Variants in STIM2 observed in about 807,000 individuals in gnomAD.
The protein encoded by STIM2 is stromal interaction molecule 2.
In STIM2, 31 loss-of-function variants were observed where a neutral mutation model predicts 85.8. The ratio of observed to expected loss-of-function variants is 0.36; its 90% CI spans 0.27 to 0.49. The LOEUF is 0.49. Ranked by LOEUF, STIM2 falls within the 20% of genes least tolerant of loss-of-function variation. STIM2 has a pLI of 0.98. For synonymous variants in STIM2, 356 were observed against 331.1 expected (o/e 1.08, Z -0.82); for missense variants, 841 against 927.6 (o/e 0.91, Z 1.21).
intron 1 of STIM2, among the ~76,000 whole-genome samples, chr4:26,903,197 AC>A (rs1272800070): frequency 6.6e-6 from 1 of 152,136 alleles, no homozygotes; most frequent in East Asian, 1.9e-4. Context: ...TAATAAAATA[AC>A]TTGGCCCCCT....
intron 1 of STIM2, among the ~76,000 whole-genome samples, chr4:26,906,253 C>T (rs947117267): frequency 6.6e-6 from 1 of 151,836 alleles, no homozygotes; most frequent in Non-Finnish European, 1.5e-5. Flanking sequence ...AAGAAGGGAA[C>T]AACAGACACT....
At chr4:26,881,295 G>A (rs533924336) in intron 1 of STIM2, among the ~76,000 whole-genome samples, 7 of 152,068 alleles carry the variant, frequency 4.6e-5, no homozygotes, top group South Asian at 2.1e-4. Context: ...GTGACACCCC[G>A]TCTTTACTAA....
chr4:26,981,034 C>T (rs1479711537), intron 3 of STIM2, among the ~76,000 whole-genome samples: 1 of 152,096 alleles, frequency 6.6e-6, no homozygotes, highest in African/African-American at 2.4e-5. Flanking sequence ...AATACTAATA[C>T]CTACAGAAAC....
intron 10 of STIM2, among the ~76,000 whole-genome samples, chr4:27,012,645 G>A (rs1728598369): frequency 6.6e-6 from 1 of 151,950 alleles, no homozygotes; most frequent in African/African-American, 2.4e-5. Context: ...GTTAATACTA[G>A]TAGATTTTTT....
chr4:26,902,597 A>T (rs903495193), intron 1 of STIM2, among the ~76,000 whole-genome samples: 5 of 152,196 alleles, frequency 3.3e-5, no homozygotes, highest in African/African-American at 1.2e-4. Context: ...CTTTGAAATG[A>T]TCAGCACTGT....
At chr4:26,862,901 AG>A (rs1722270790) in intron 1 of STIM2, among the ~76,000 whole-genome samples, 1 of 152,220 alleles carries the variant, frequency 6.6e-6, no homozygotes, top group African/African-American at 2.4e-5. Context: ...TGCCTCATGC[AG>A]GAAGGGAAGG....
chr4:27,016,338 C>T (rs1363701294), intron 10 of STIM2, among the ~76,000 whole-genome samples: 2 of 152,146 alleles, frequency 1.3e-5, no homozygotes, highest in African/African-American at 4.8e-5. Context: ...CTTTCTCTCT[C>T]CTGTTTTATA....
Position 27,022,948 on chromosome 4 carries a change from C to T in STIM2, c.2193C>T (p.Ser731=), listed in dbSNP as rs780764736. The T allele has an allele frequency of 4.3e-6, 7 of 1,612,634 alleles. No homozygotes were observed. The highest frequency in any genetic ancestry group is 5.9e-6 in the Non-Finnish European group (7 of 1,179,708). Residue 731 remains serine (S), a synonymous_variant, in exon 12 of 12, where the codon AGC becomes AGT. Coordinates refer to ENST00000467087, the MANE Select transcript of STIM2 (RefSeq NM_020860.4). ...ACCTTTGTCATAATGGAGAGAAAAG[C>T]AAAAAGCCATCAAAAATCAAAAGCC...
At chr4:26,986,635 C>T (rs76373565) in intron 3 of STIM2, among the ~76,000 whole-genome samples, 2,161 of 152,252 alleles carry the variant, frequency 0.014, 46 homozygotes, top group African/African-American at 0.047. Flanking sequence ...AATTCTCTTC[C>T]GATACCACTG....
chr4:27,002,238 A>G lies in STIM2; in HGVS notation c.647A>G (p.Lys216Arg). The stretch of plus-strand genomic sequence containing the variant: ...ATAGGCCCACCTCATAACTGGATGA[A>G]AGATTTTATCCTCACAGTTTCTATA... Residue 216 changes from lysine to arginine, a missense_variant, in exon 6 of 12, where the codon AAA (lysine) becomes AGA (arginine). Lys to Arg is a conservative substitution (Grantham distance 26, BLOSUM62 2). Transcript: ENST00000467087. The G allele has an allele frequency of 6.2e-7, 1 of 1,609,784 alleles. No homozygotes were observed. Among genetic ancestry groups the G allele is most frequent in the Non-Finnish European group, 8.5e-7 (1 of 1,178,790 alleles).
intron 2 of STIM2, among the ~76,000 whole-genome samples, chr4:26,938,823 A>G (rs538599422): frequency 2.0e-5 from 3 of 152,358 alleles, no homozygotes; most frequent in East Asian, 1.9e-4. Context: ...TTTAAGTTAC[A>G]TAGTGTGTGT....
At chr4:26,917,759 A>G (rs541377048) in intron 1 of STIM2, among the ~76,000 whole-genome samples, 9 of 152,236 alleles carry the variant, frequency 5.9e-5, no homozygotes, top group Admixed American at 2.0e-4. Flanking sequence ...TGGAATGAAC[A>G]CCTTCACTTT....
chr4:26,909,757 G>A (rs773059245), intron 1 of STIM2, among the ~76,000 whole-genome samples: 3 of 152,078 alleles, frequency 2.0e-5, no homozygotes, highest in Non-Finnish European at 4.4e-5. Context: ...ATAATGTTGT[G>A]GTTGTAGCTT....
Position 27,017,702 on chromosome 4 carries a change from G to A in STIM2, c.1490-9G>A. ...TTCATGAGCATGTTTCTTTCTTGGT[G>A]TTTTTCAGGGACCATGGCTAAACCT... On this transcript the variant is annotated splice_polypyrimidine_tract_variant and intron_variant, in intron 10 of 11. Transcript: ENST00000467087. 1.2e-6 allele frequency: 2 copies of A among 1,612,580 alleles called. No individual in the cohort carries two copies. The highest frequency in any genetic ancestry group is 2.2e-5 in the South Asian group (2 of 91,050).
chr4:26,979,383 G>T (rs1384468075), intron 3 of STIM2, among the ~76,000 whole-genome samples: 1 of 152,184 alleles, frequency 6.6e-6, no homozygotes, highest in Non-Finnish European at 1.5e-5. Flanking sequence ...GGTTCTTCAT[G>T]AGCTAACCAC....
At chr4:26,864,818 C>T (rs1299066307) in intron 1 of STIM2, among the ~76,000 whole-genome samples, 2 of 152,126 alleles carry the variant, frequency 1.3e-5, no homozygotes, top group Non-Finnish European at 2.9e-5. Context: ...AGTACTGTTA[C>T]ACACATCTGT....
Position 26,893,979 on chromosome 4 carries a change from C to T in STIM2, c.152-25525C>T, listed in dbSNP as rs558962231. Among the ~76,000 whole-genome samples, 154 of 152,160 alleles carry T rather than the reference C, an allele frequency of 1.0e-3. 1 individual carries two copies. The highest frequency in any genetic ancestry group is 1.9e-3 in the Non-Finnish European group (132 of 68,002). On this transcript the variant is annotated intron_variant, in intron 1 of 11. Transcript: ENST00000467087. ...TCTCAGCTCACTGCAACCTCTGCCTCCCGGGTTCAAGCGATTCTCCTTCCT... is the reference window on the plus strand; with the variant it reads ...TCTCAGCTCACTGCAACCTCTGCCTTCCGGGTTCAAGCGATTCTCCTTCCT...
chr4:26,965,326 G>A (rs1726674669), intron 3 of STIM2, among the ~76,000 whole-genome samples: 1 of 152,112 alleles, frequency 6.6e-6, no homozygotes, highest in African/African-American at 2.4e-5. Context: ...CAACATTTAA[G>A]GGAGTTTAAC....
intron 2 of STIM2, 38 bp downstream of exon 2, chr4:26,919,672 A>G (rs751585785): frequency 1.2e-6 from 2 of 1,604,960 alleles, no homozygotes; most frequent in Non-Finnish European, 1.7e-6. Context: ...TTGTCTTAGA[A>G]CAGAATGACT....
Sources: allele counts gnomAD v4.1 joint callset (sites outside exome capture counted in the v4.1 genomes callset), GRCh38; gene constraint gnomAD v4.1.1; transcripts MANE v1.5; gene names NCBI Gene and HGNC (gene_info 2026-07-23, HGNC 2026-07-21).